LENG1: variants seen among roughly 807,000 people sequenced by gnomAD.
The protein encoded by LENG1 is leukocyte receptor cluster member 1.
LENG1 carries 35 observed loss-of-function variants against 28.8 expected under a neutral mutation model. That is an observed-to-expected ratio of 1.22 (90% CI 0.93 to 1.61). LENG1 has a LOEUF of 1.61. LENG1 is among the 40% of genes most tolerant of loss of function. The pLI, the probability that LENG1 is intolerant of heterozygous loss-of-function variation, is 0.00. For missense variants in LENG1, 404 were observed against 348.9 expected, an observed-to-expected ratio of 1.16 and a Z score of -1.26; for synonymous variants, 170 against 140.6, an observed-to-expected ratio of 1.21 and a Z score of -1.48.
Position 54,155,771 on chromosome 19 carries a change from G to C in LENG1, c.745C>G (p.Pro249Ala). The change falls in exon 4 of 4, where the codon CCC becomes GCC. Residue 249 changes from proline (P) to alanine (A), a missense_variant. Coordinates refer to ENST00000222224, the MANE Select transcript of LENG1 (RefSeq NM_024316.3). ...TGGCGGGGGCGCCGGGCCAGCTGGG[G>C]GTTGAATTGGGAGTTGTACCGCCGC... ...RRRRYNSQFN[P>A]QLARRPRQQD... is the part of the protein sequence containing the mutation. 2.5e-6 allele frequency: 4 copies of C among 1,611,046 alleles called. No individual in the cohort carries two copies. Among genetic ancestry groups the C allele is most frequent in the Non-Finnish European group, 3.4e-6 (4 of 1,179,562 alleles).
rs765460144 is a variant in LENG1, at chr19:54,156,956, G to A, written c.382C>T (p.Pro128Ser). The change falls in exon 3 of 4, where the codon CCC (proline) becomes TCC (serine). Residue 128 changes from proline to serine, a missense_variant. Transcript: ENST00000222224. ...GQSAAEAQTQ[P>S]PWYQLPPGRG... ...CCTGGGGGTAGCTGGTACCAAGGGG[G>A]TTGAGTCTGTGCCTCCGCTGCACTC... 1.4e-5 allele frequency: 23 copies of A among 1,610,974 alleles called. No homozygotes were observed. Among genetic ancestry groups the A allele is most frequent in the Non-Finnish European group, 1.7e-5 (20 of 1,178,060 alleles).
rs750308059 is a variant in LENG1, at chr19:54,158,413, G to A, written c.181C>T (p.Pro61Ser). 6.2e-7 allele frequency: 1 copy of A among 1,614,080 alleles called. No individual in the cohort carries two copies. Among genetic ancestry groups the A allele is most frequent in the Non-Finnish European group, 8.5e-7 (1 of 1,180,036 alleles). ...CCCGCCTCTGCTGCTTCAAGCTCAG[G>A]CAGTGAGTTCTGATGTCTGGCTTTC... Reference protein sequence around the residue: ...RKKARHQNSLPELEAAEAGAP... With the variant: ...RKKARHQNSLSELEAAEAGAP... The change falls in exon 2 of 4, where the codon CCT (proline) becomes TCT (serine). Residue 61 changes from proline to serine, a missense_variant. Transcript: ENST00000222224.
intron 3 of LENG1, 67 bp downstream of exon 3, chr19:54,156,696 C>T (rs1398252030): frequency 3.3e-6 from 5 of 1,493,978 alleles, no homozygotes; most frequent in South Asian, 1.3e-5. Flanking sequence ...CGCTGCAGTG[C>T]CCATGCTGGG....
In LENG1 at chr19:54,155,332, C is replaced by T. The variant is rs1568698845; in HGVS notation, c.*389G>A. On this transcript the variant is annotated 3_prime_UTR_variant, in exon 4 of 4. Coordinates refer to ENST00000222224, the MANE Select transcript of LENG1 (RefSeq NM_024316.3). ...AGGGCACCTACATCTACTTTGACTA[C>T]GAGAAGTGGGGCCAGCGGAAGAAGG... The T allele has an allele frequency of 1.2e-6, 2 of 1,612,970 alleles. No homozygotes were observed. The highest frequency in any genetic ancestry group is 1.3e-5 in the African/African-American group (1 of 75,038).
In LENG1 at chr19:54,155,217, A is replaced by T; in HGVS notation, c.*504T>A. The T allele has an allele frequency of 6.6e-7, 1 of 1,525,382 alleles. No individual in the cohort carries two copies. The highest frequency in any genetic ancestry group is 8.9e-7 in the Non-Finnish European group (1 of 1,129,716). 94.5% of individuals were successfully genotyped at this position (1,525,382 alleles called of 1,614,324 possible). A position where few individuals can be genotyped will look rare whatever the true frequency, so the allele number is the denominator to read the frequency against. Reference sequence around the variant, plus strand: ...CTGGCCCGGTGCCTGACACATCCACAGCCCTAAGAATTGTCCCCTTTGTCT... The same window carrying T: ...CTGGCCCGGTGCCTGACACATCCACTGCCCTAAGAATTGTCCCCTTTGTCT... On this transcript the variant is annotated 3_prime_UTR_variant, in exon 4 of 4. Coordinates refer to ENST00000222224, the MANE Select transcript of LENG1 (RefSeq NM_024316.3).
Position 54,155,808 on chromosome 19 carries a change from C to T in LENG1, c.708G>A (p.Thr236=), listed in dbSNP as rs141444062. 5.2e-5 allele frequency: 84 copies of T among 1,612,204 alleles called. No individual in the cohort carries two copies. The highest frequency in any genetic ancestry group is 6.5e-5 in the Non-Finnish European group (77 of 1,179,808). ...LQEGQPEEDE[T]DDRRRRYNSQ... ...AGTTGTACCGCCGCCGCCGGTCATCCGTCTCGTCTTCTTCCGGCTGACCCT... is the reference window on the plus strand; with the variant it reads ...AGTTGTACCGCCGCCGCCGGTCATCTGTCTCGTCTTCTTCCGGCTGACCCT... The change falls in exon 4 of 4, where the codon ACG becomes ACA. Residue 236 remains threonine (T), a synonymous_variant. Transcript: ENST00000222224.
intron 2 of LENG1, among the ~76,000 whole-genome samples, chr19:54,157,677 T>G (rs770495265): frequency 1.3e-5 from 2 of 151,726 alleles, no homozygotes; most frequent in Admixed American, 6.6e-5. Context: ...GCCACTGATG[T>G]ACCTTTTACA....
rs1386091124 is a variant in LENG1, at chr19:54,155,438, C to T, written c.*283G>A. 1 of 1,441,054 alleles carries T rather than the reference C, an allele frequency of 6.9e-7. No homozygotes were observed. Among genetic ancestry groups the T allele is most frequent in the African/African-American group, 1.4e-5 (1 of 71,400 alleles). The allele number at this position is 1,441,054 out of a possible 1,614,324, so 89.3% of individuals were successfully genotyped here. On this transcript the variant is annotated 3_prime_UTR_variant, in exon 4 of 4. Transcript: ENST00000222224. ...GCCCCTCCCTCTACCCACCCCCTTC[C>T]CCCGCATGCTGATCCCCCTGCCCAG...
At chr19:54,157,299 G>A (rs1191131987) in intron 2 of LENG1, among the ~76,000 whole-genome samples, 1 of 152,316 alleles carries the variant, frequency 6.6e-6, no homozygotes, top group East Asian at 1.9e-4. Flanking sequence ...AGCCTGAAGG[G>A]ATCAAGCAAA....
rs2075437198 is a variant in LENG1 at position 54,158,438 on chromosome 19, C to G, written c.156G>C (p.Lys52Asn). The change falls in exon 2 of 4, where the codon AAG becomes AAC. Residue 52 changes from lysine to asparagine, a missense_variant. Coordinates refer to ENST00000222224, the MANE Select transcript of LENG1 (RefSeq NM_024316.3). Reference sequence around the variant, plus strand: ...GCAGTGAGTTCTGATGTCTGGCTTTCTTCCGTAGGAATTCTGTACGGGCCT... The same window carrying G: ...GCAGTGAGTTCTGATGTCTGGCTTTGTTCCGTAGGAATTCTGTACGGGCCT... ...QQEARTEFLR[K>N]KARHQNSLPE... 1 of 1,614,056 alleles carries G rather than the reference C, an allele frequency of 6.2e-7. No homozygotes were observed. Among genetic ancestry groups the G allele is most frequent in the South Asian group, 1.1e-5 (1 of 91,096 alleles).
chr19:54,159,413 C>T (rs1011931201), intron 1 of LENG1, 151 bp downstream of exon 1: 6 of 816,052 alleles, frequency 7.4e-6, no homozygotes, highest in South Asian at 5.6e-5. Flanking sequence ...ACAAGGTTTG[C>T]GGGGCAACGT....
chr19:54,155,846 G>C lies in LENG1; in HGVS notation c.670C>G (p.Arg224Gly). 2 of 1,612,828 alleles carry C rather than the reference G, an allele frequency of 1.2e-6. No homozygotes were observed. The highest frequency in any genetic ancestry group is 1.7e-6 in the Non-Finnish European group (2 of 1,179,832). Residue 224 changes from arginine to glycine, a missense_variant, in exon 4 of 4, where the codon CGG becomes GGG. Transcript: ENST00000222224. ...TCCGGCTGACCCTCCTGTAGTGCCCGGCCTTGGACCCGGGCCAGCAGGGCC... is the reference window on the plus strand; with the variant it reads ...TCCGGCTGACCCTCCTGTAGTGCCCCGCCTTGGACCCGGGCCAGCAGGGCC... ...AEALLARVQG[R>G]ALQEGQPEED... is the part of the protein sequence containing the mutation.
intron 2 of LENG1, among the ~76,000 whole-genome samples, chr19:54,157,895 A>G (rs1177378842): frequency 6.7e-6 from 1 of 149,636 alleles, no homozygotes; most frequent in African/African-American, 2.5e-5. Context: ...TTTTTTTTGT[A>G]TTTTTAGAGA....
chr19:54,157,792 C>A (rs1200792551), intron 2 of LENG1, among the ~76,000 whole-genome samples: 3 of 152,188 alleles, frequency 2.0e-5, no homozygotes, highest in African/African-American at 7.2e-5. Flanking sequence ...GTGGCGCAAT[C>A]TCGGCTTACT....
chr19:54,159,532 C>T (rs1265452745), intron 1 of LENG1, 32 bp downstream of exon 1: 24 of 1,508,910 alleles, frequency 1.6e-5, no homozygotes, highest in Non-Finnish European at 2.1e-5. Context: ...CGCTGGGCCC[C>T]GGAGCGCCGC....
At chr19:54,157,264 A>G (rs1465025049) in intron 2 of LENG1, among the ~76,000 whole-genome samples, 1 of 152,212 alleles carries the variant, frequency 6.6e-6, no homozygotes, top group Non-Finnish European at 1.5e-5. Flanking sequence ...AGAGGCAGGC[A>G]TCTTTGCAGA....
rs570252296 is a variant in LENG1, at chr19:54,157,889, T to C, written c.312+393A>G. Among the ~76,000 whole-genome samples the C allele has an allele frequency of 2.6e-5, 4 of 151,594 alleles. No individual in the cohort carries two copies. In the East Asian group the frequency reaches 7.8e-4, roughly 30 times the overall value. ...CGCACCACCATGCCCGGCTAATTTT[T>C]TTTGTATTTTTAGAGATACCATGTT... On this transcript the variant is annotated intron_variant, in intron 2 of 3. Coordinates refer to ENST00000222224, the MANE Select transcript of LENG1 (RefSeq NM_024316.3).
Position 54,159,704 on chromosome 19 carries a change from A to C in LENG1, c.-9T>G, listed in dbSNP as rs914336352. Reference sequence around the variant, plus strand: ...TTGGGCAAGATATTCATGGCGTCGTAGCTGTCCAGGGACTGGCACGCCCGC... The same window carrying C: ...TTGGGCAAGATATTCATGGCGTCGTCGCTGTCCAGGGACTGGCACGCCCGC... On this transcript the variant is annotated 5_prime_UTR_variant, in exon 1 of 4. Coordinates refer to ENST00000222224, the MANE Select transcript of LENG1 (RefSeq NM_024316.3). 3 of 1,597,664 alleles carry C rather than the reference A, an allele frequency of 1.9e-6. No individual in the cohort carries two copies. In the African/African-American group the frequency reaches 4.0e-5, roughly 21 times the overall value.
Position 54,155,457 on chromosome 19 carries a change from T to G in LENG1, c.*264A>C. 2.0e-6 allele frequency: 2 copies of G among 1,003,852 alleles called. No individual in the cohort carries two copies. Among genetic ancestry groups the G allele is most frequent in the East Asian group, 4.1e-5 (1 of 24,514 alleles). 62.2% of individuals were successfully genotyped at this position (1,003,852 alleles called of 1,614,324 possible). A position where few individuals can be genotyped will look rare whatever the true frequency, so the allele number is the denominator to read the frequency against. ...CCCTTCCCCCGCATGCTGATCCCCC[T>G]GCCCAGGTGAGGGCCCTGCCCTGGA... On this transcript the variant is annotated 3_prime_UTR_variant, in exon 4 of 4. Transcript: ENST00000222224.
Sources: allele counts gnomAD v4.1 joint callset (sites outside exome capture counted in the v4.1 genomes callset), GRCh38; gene constraint gnomAD v4.1.1; transcripts MANE v1.5; gene names NCBI Gene and HGNC (gene_info 2026-07-23, HGNC 2026-07-21).